ARMC1: variants seen among roughly 807,000 people sequenced by gnomAD.
The protein encoded by ARMC1 is armadillo repeat-containing protein 1.
A neutral mutation model predicts 31.4 loss-of-function variants in ARMC1; 16 were observed. That is an observed-to-expected ratio of 0.51 (90% CI 0.34 to 0.77). The LOEUF is 0.77. Among genes scored for constraint, ARMC1 ranks in the 30% least tolerant of loss-of-function variants. ARMC1 has a pLI of 0.01. For synonymous variants in ARMC1, 114 were observed against 118.9 expected (o/e 0.96, Z 0.27); for missense variants, 259 against 347.5 (o/e 0.75, Z 2.02).
At chr8:65,616,777 C>T (rs1808273089) in intron 3 of ARMC1, among the ~76,000 whole-genome samples, 1 of 151,960 alleles carries the variant, frequency 6.6e-6, no homozygotes, top group Non-Finnish European at 1.5e-5. Context: ...CGCCTCTGCC[C>T]AGCCGCGACC....
chr8:65,627,513 C>T, intron 1 of ARMC1, 80 bp from the exon 2 acceptor site: 4 of 738,836 alleles, frequency 5.4e-6, no homozygotes, highest in East Asian at 3.1e-5. Context: ...GATTACAACA[C>T]CTTTAGAAAG....
intron 3 of ARMC1, among the ~76,000 whole-genome samples, chr8:65,617,922 G>GT (rs80261499): frequency 0.64 from 95,623 of 150,160 alleles, 30,620 homozygotes; most frequent in African/African-American, 0.69. Flanking sequence ...TTTTCGGCGG[G>GT]GGGGGAGGGA....
In ARMC1 at chr8:65,627,325, G is replaced by C. The variant is rs1350734004; in HGVS notation, c.74C>G (p.Ala25Gly). The stretch of plus-strand genomic sequence containing the variant: ...GGCTCTTCTGTTTAACGGATCTGCT[G>C]CTAGATCCCGTAACTGGTTAACTAC... ...LSVVNQLRDL[A>G]ADPLNRRAIV... Residue 25 changes from alanine (A) to glycine (G), a missense_variant, in exon 2 of 7, where the codon GCA becomes GGA. Physicochemically the swap from Ala to Gly is moderately conservative, Grantham distance 60 (BLOSUM62 0). Coordinates refer to ENST00000276569, the MANE Select transcript of ARMC1 (RefSeq NM_018120.6). 6.2e-7 allele frequency: 1 copy of C among 1,613,284 alleles called. No homozygotes were observed. The highest frequency in any genetic ancestry group is 1.1e-5 in the South Asian group (1 of 91,000).
At chr8:65,614,213 T>C (rs1036583934) in intron 3 of ARMC1, among the ~76,000 whole-genome samples, 2 of 152,216 alleles carry the variant, frequency 1.3e-5, no homozygotes, top group African/African-American at 4.8e-5. Context: ...ATTTTTTACA[T>C]ATTACAAATT....
chr8:65,610,120 C>A (rs559926626), intron 4 of ARMC1, among the ~76,000 whole-genome samples: 1 of 151,842 alleles, frequency 6.6e-6, no homozygotes, highest in Non-Finnish European at 1.5e-5. Context: ...GTGTGTGTGA[C>A]GGGATCTCGC....
intron 3 of ARMC1, among the ~76,000 whole-genome samples, chr8:65,616,221 A>G (rs1022832324): frequency 3.3e-5 from 5 of 152,084 alleles, no homozygotes; most frequent in East Asian, 1.9e-4. Context: ...TCGGCTCACT[A>G]CAACCTCCCT....
At chr8:65,619,849 T>C (rs999707640) in intron 3 of ARMC1, among the ~76,000 whole-genome samples, 1 of 151,680 alleles carries the variant, frequency 6.6e-6, no homozygotes, top group Non-Finnish European at 1.5e-5. Context: ...CCGGGCATGG[T>C]GGTGCGTGCC....
intron 2 of ARMC1, 119 bp from the exon 3 acceptor site, chr8:65,622,473 A>C (rs1478145757): frequency 2.9e-6 from 2 of 701,374 alleles, no homozygotes; most frequent in Non-Finnish European, 4.7e-6. Flanking sequence ...TTTAGAATAA[A>C]ATCCTTTAAA....
chr8:65,621,940 A>T (rs1237872748), intron 3 of ARMC1, among the ~76,000 whole-genome samples: 2 of 152,056 alleles, frequency 1.3e-5, no homozygotes, highest in South Asian at 2.1e-4. Flanking sequence ...CCTAAAATTG[A>T]AATTTTTTTT....
intron 3 of ARMC1, among the ~76,000 whole-genome samples, chr8:65,619,542 GA>G (rs199645121): frequency 1.3e-5 from 2 of 149,542 alleles, no homozygotes; most frequent in South Asian, 4.2e-4. Flanking sequence ...GTCTCAAAAA[GA>G]AAAAAAAAGA....
intron 1 of ARMC1, among the ~76,000 whole-genome samples, chr8:65,628,355 A>G (rs2129044233): frequency 6.8e-6 from 1 of 147,612 alleles, no homozygotes; most frequent in East Asian, 2.0e-4. Context: ...GGTTCAAGCA[A>G]TTCTCCTGCC....
rs191210896 is a variant in ARMC1 at position 65,627,153 on chromosome 8, T to C, written c.183+63A>G. On this transcript the variant is annotated intron_variant, in intron 2 of 6. Coordinates refer to ENST00000276569, the MANE Select transcript of ARMC1 (RefSeq NM_018120.6). ...TTTTTACCTTGTCATCTAGCACTTTTTCCAAATTCTCACCTTAACTGCAAA... is the reference window on the plus strand; with the variant it reads ...TTTTTACCTTGTCATCTAGCACTTTCTCCAAATTCTCACCTTAACTGCAAA... 32 of 1,462,206 alleles carry C rather than the reference T, an allele frequency of 2.2e-5. No individual in the cohort carries two copies. In the East Asian group the frequency reaches 6.8e-4, roughly 31 times the overall value. The allele number at this position is 1,462,206 out of a possible 1,614,324, so 90.6% of individuals were successfully genotyped here.
In ARMC1 at chr8:65,613,429, T is replaced by C. The variant is rs1808186347; in HGVS notation, c.280A>G (p.Thr94Ala). The C allele has an allele frequency of 6.3e-6, 10 of 1,575,576 alleles. No individual in the cohort carries two copies. Among genetic ancestry groups the C allele is most frequent in the Admixed American group, 2.0e-5 (1 of 50,886 alleles). ...LSLQNVIQKT[T>A]TPGETKLLAS... Reference sequence around the variant, plus strand: ...AGAAGTTTTGTTTCTCCTGGAGTTGTAGTTCTTGAAAAGAAACACATATAT... The same window carrying C: ...AGAAGTTTTGTTTCTCCTGGAGTTGCAGTTCTTGAAAAGAAACACATATAT... Residue 94 changes from threonine (T) to alanine (A), a missense_variant, in exon 4 of 7, where the codon ACA becomes GCA. Thr to Ala is a moderately conservative substitution (Grantham distance 58). This residue lies in a region of ARMC1 where 163 missense variants were observed against 186.7 expected (regional missense o/e 0.87). Transcript: ENST00000276569.
Position 65,622,372 on chromosome 8 carries a change from A to C in ARMC1, c.184-18T>G. 1 of 1,603,696 alleles carries C rather than the reference A, an allele frequency of 6.2e-7. No homozygotes were observed. Among genetic ancestry groups the C allele is most frequent in the Non-Finnish European group, 8.5e-7 (1 of 1,171,456 alleles). On this transcript the variant is annotated intron_variant, in intron 2 of 6. Coordinates refer to ENST00000276569, the MANE Select transcript of ARMC1 (RefSeq NM_018120.6). The stretch of plus-strand genomic sequence containing the variant: ...CGAAGAGCCTACAGCAGAAGAAGTA[A>C]TAAGTTAATTCGTCTGTCCAGACTA...
In ARMC1 at chr8:65,610,302, T is replaced by A. The variant is rs188942555; in HGVS notation, c.465+2942A>T. Among the ~76,000 whole-genome samples, 1,450 of 150,446 alleles carry A rather than the reference T, an allele frequency of 9.6e-3. 26 individuals carry two copies. Among genetic ancestry groups the A allele is most frequent in the African/African-American group, 0.033 (1,378 of 41,154 alleles). On this transcript the variant is annotated intron_variant, in intron 4 of 6. Coordinates refer to ENST00000276569, the MANE Select transcript of ARMC1 (RefSeq NM_018120.6). The stretch of plus-strand genomic sequence containing the variant: ...TTAGTAGAGACGGGGTTTCACCACG[T>A]TGGCCAGGCTGGTCTTGAACTCCTG...
chr8:65,615,092 T>C (rs945437738), intron 3 of ARMC1, among the ~76,000 whole-genome samples: 16 of 152,226 alleles, frequency 1.1e-4, no homozygotes, highest in African/African-American at 3.6e-4. Flanking sequence ...GTATATGTTC[T>C]AGCTACTTAG....
intron 4 of ARMC1, among the ~76,000 whole-genome samples, chr8:65,612,027 C>T (rs56260082): frequency 2.6e-4 from 40 of 152,240 alleles, no homozygotes; most frequent in Non-Finnish European, 5.3e-4. Flanking sequence ...GCCTTGGCCT[C>T]CCAAAGTGCT....
At chr8:65,631,024 A>G (rs1347041050) in intron 1 of ARMC1, among the ~76,000 whole-genome samples, 1 of 152,196 alleles carries the variant, frequency 6.6e-6, no homozygotes, top group Non-Finnish European at 1.5e-5. Context: ...GGTTTACTGT[A>G]TAACAGAGGC....
At chr8:65,609,602 G>A (rs1334293506) in intron 4 of ARMC1, among the ~76,000 whole-genome samples, 1 of 152,150 alleles carries the variant, frequency 6.6e-6, no homozygotes, top group East Asian at 1.9e-4. Flanking sequence ...CTCAACGCCT[G>A]TAATCCCAAC....
Sources: gnomAD v4.1 joint callset for allele counts (sites outside exome capture counted in the v4.1 genomes callset) on GRCh38, gnomAD v4.1.1 for gene constraint, gnomAD v4.1.1 regional missense constraint, MANE v1.5 for transcripts, NCBI Gene and HGNC (gene_info 2026-07-23, HGNC 2026-07-21) for gene names.